FOXP1: variants seen among roughly 807,000 people sequenced by gnomAD.
FOXP1 encodes forkhead box protein P1.
FOXP1 carries 15 observed loss-of-function variants against 98.2 expected under a neutral mutation model. The ratio of observed to expected loss-of-function variants is 0.15; its 90% CI spans 0.10 to 0.24. The LOEUF (loss-of-function observed/expected upper bound fraction) is 0.24, where lower values mean the gene tolerates loss of function less well. Ranked by LOEUF, FOXP1 falls within the 10% of genes least tolerant of loss-of-function variation. The pLI, the probability that FOXP1 is intolerant of heterozygous loss-of-function variation, is 1.00. For missense variants in FOXP1, 633 were observed against 848.5 expected (o/e 0.75, Z 3.15); for synonymous variants, 371 against 314.5 (o/e 1.18, Z -1.90).
intron 9 of FOXP1, among the ~76,000 whole-genome samples, chr3:71,051,571 G>A (rs761858534): frequency 2.6e-5 from 4 of 152,160 alleles, no homozygotes; most frequent in Non-Finnish European, 4.4e-5. Context: ...GCTTAGGGCT[G>A]GTGAAGAAGC....
chr3:71,546,901 A>G (rs2045405767), intron 2 of FOXP1, among the ~76,000 whole-genome samples: 3 of 152,174 alleles, frequency 2.0e-5, no homozygotes, highest in Admixed American at 2.0e-4. Context: ...GTCAATTTTC[A>G]TCATGAGCTT....
At chr3:71,325,752 A>G (rs2075654098) in intron 4 of FOXP1, among the ~76,000 whole-genome samples, 1 of 152,064 alleles carries the variant, frequency 6.6e-6, no homozygotes, top group Non-Finnish European at 1.5e-5. Flanking sequence ...AGGCATGCTC[A>G]TAGCACACTG....
At chr3:71,264,113 C>T (rs2069419219) in intron 5 of FOXP1, among the ~76,000 whole-genome samples, 1 of 152,124 alleles carries the variant, frequency 6.6e-6, no homozygotes, top group African/African-American at 2.4e-5. Context: ...GAATTTAATA[C>T]TTACATACAA....
chr3:71,283,688 C>T (rs2107439972), intron 5 of FOXP1, among the ~76,000 whole-genome samples: 1 of 152,338 alleles, frequency 6.6e-6, no homozygotes, highest in East Asian at 1.9e-4. Flanking sequence ...CTATACAACA[C>T]TGAGATTGAT....
chr3:71,113,370 A>G (rs2058094146), intron 6 of FOXP1, among the ~76,000 whole-genome samples: 2 of 152,196 alleles, frequency 1.3e-5, no homozygotes, highest in African/African-American at 4.8e-5. Flanking sequence ...TATGAATTGG[A>G]GATAAAGCAG....
chr3:71,460,669 G>T (rs1473345178), intron 3 of FOXP1, among the ~76,000 whole-genome samples: 1 of 152,124 alleles, frequency 6.6e-6, no homozygotes, highest in African/African-American at 2.4e-5. Flanking sequence ...AAACTCCTGA[G>T]CTCAGGCAAT....
intron 2 of FOXP1, among the ~76,000 whole-genome samples, chr3:71,577,891 G>C (rs1329768221): frequency 6.6e-6 from 1 of 151,650 alleles, no homozygotes; most frequent in Admixed American, 6.6e-5. Context: ...ATTTTCTTTA[G>C]AAAACAAACC....
chr3:71,278,738 T>C (rs750887854), intron 5 of FOXP1, among the ~76,000 whole-genome samples: 18 of 152,198 alleles, frequency 1.2e-4, no homozygotes, highest in Non-Finnish European at 2.1e-4. Context: ...GCAGAGATCA[T>C]GCCACTGTAC....
intron 4 of FOXP1, among the ~76,000 whole-genome samples, chr3:71,356,213 CA>C (rs3064928): frequency 0.34 from 25,901 of 75,310 alleles, 2,027 homozygotes; most frequent in Middle Eastern, 0.38. Flanking sequence ...CTGACTAAGT[CA>C]AAAAAAAAAA....
chr3:71,405,735 TTTA>T (rs2082271499), intron 3 of FOXP1, among the ~76,000 whole-genome samples: 2 of 151,310 alleles, frequency 1.3e-5, no homozygotes, highest in South Asian at 2.1e-4. Context: ...TATTTATTTA[TTTA>T]TTTTTTTGAG....
intron 11 of FOXP1, among the ~76,000 whole-genome samples, chr3:71,027,012 C>A (rs2046215569): frequency 6.6e-6 from 1 of 152,162 alleles, no homozygotes; most frequent in African/African-American, 2.4e-5. Flanking sequence ...GAGTTTGTAA[C>A]TAAAAGTTTA....
chr3:71,070,481 G>A (rs989326642), intron 7 of FOXP1, among the ~76,000 whole-genome samples: 5 of 152,106 alleles, frequency 3.3e-5, no homozygotes, highest in Admixed American at 2.6e-4. Context: ...CTCGCAGTTC[G>A]AGTTTTCTTC....
intron 2 of FOXP1, among the ~76,000 whole-genome samples, chr3:71,537,118 C>T (rs2044361135): frequency 6.6e-6 from 1 of 152,140 alleles, no homozygotes; most frequent in Non-Finnish European, 1.5e-5. Flanking sequence ...AAGGTCCTAA[C>T]CAAGGCCTGG....
chr3:71,133,627 C>A (rs1216388376), intron 6 of FOXP1, among the ~76,000 whole-genome samples: 2 of 151,916 alleles, frequency 1.3e-5, no homozygotes, highest in Non-Finnish European at 2.9e-5. Context: ...GAGTTTAAGA[C>A]AGCAAAAACA....
intron 5 of FOXP1, among the ~76,000 whole-genome samples, chr3:71,266,882 T>C (rs2069725345): frequency 2.6e-5 from 4 of 152,262 alleles, no homozygotes; most frequent in African/African-American, 9.6e-5. Context: ...TCCATCCATG[T>C]TGCAGTAAGA....
chr3:71,189,869 A>C (rs2062860349), intron 6 of FOXP1, among the ~76,000 whole-genome samples: 1 of 152,214 alleles, frequency 6.6e-6, no homozygotes, highest in African/African-American at 2.4e-5. Flanking sequence ...CCCGGCCCCC[A>C]TTCCCTGATG....
chr3:71,319,839 C>T (rs1187968116), intron 4 of FOXP1, among the ~76,000 whole-genome samples: 4 of 152,180 alleles, frequency 2.6e-5, no homozygotes, highest in African/African-American at 9.7e-5. Context: ...CAATCTGGTT[C>T]TTCTTCCTTG....
At chr3:71,167,506 T>C (rs2061447892) in intron 6 of FOXP1, among the ~76,000 whole-genome samples, 1 of 152,168 alleles carries the variant, frequency 6.6e-6, no homozygotes, top group African/African-American at 2.4e-5. Flanking sequence ...TTGATTATTA[T>C]TATTTGGTGA....
rs3064928 is a variant in FOXP1, at chr3:71,356,213, C to CAA, written c.-73+2935_-73+2936dup. 3.9e-3 allele frequency among the ~76,000 whole-genome samples: 295 copies of CAA among 75,298 alleles called. 1 individual carries two copies. The highest frequency in any genetic ancestry group is 0.012 in the African/African-American group (275 of 22,242). 49.4% of individuals were successfully genotyped at this position (75,298 alleles called of 152,430 possible). On this transcript the variant is annotated intron_variant, in intron 4 of 20. Transcript: ENST00000649528. The stretch of plus-strand genomic sequence containing the variant: ...AGGCAGGACCATTGTCTGACTAAGT[C>CAA]AAAAAAAAAAAAAAAAAAAAAGGAA...
Sources: allele counts gnomAD v4.1 joint callset (sites outside exome capture counted in the v4.1 genomes callset), GRCh38; gene constraint gnomAD v4.1.1; transcripts MANE v1.5; gene names NCBI Gene and HGNC (gene_info 2026-07-23, HGNC 2026-07-21).